Variants in CCNB3 observed in about 807,000 individuals in gnomAD.
CCNB3 encodes G2/mitotic-specific cyclin-B3.
CCNB3 carries 12 observed loss-of-function variants against 68.0 expected under a neutral mutation model. The observed-to-expected ratio is 0.18, with a 90% CI of 0.11 to 0.29. The LOEUF is 0.29. Ranked by LOEUF, CCNB3 falls within the 10% of genes least tolerant of loss-of-function variation. The pLI, the probability that CCNB3 is intolerant of heterozygous loss-of-function variation, is 1.00. For missense variants in CCNB3, 904 were observed against 993.1 expected, an observed-to-expected ratio of 0.91 and a Z score of 1.21; for synonymous variants, 354 against 388.9, an observed-to-expected ratio of 0.91 and a Z score of 1.06.
In CCNB3 at chrX:50,224,150, GT is replaced by G. The variant is rs1209390174; in HGVS notation, c.-113+19208del. On this transcript the variant is annotated intron_variant, in intron 1 of 12. Coordinates refer to ENST00000376042, the MANE Select transcript of CCNB3 (RefSeq NM_033031.3). The stretch of plus-strand genomic sequence containing the variant: ...AACAATTTATCATCTTGTTTTGAAA[GT>G]TTTTTTTCCTTCTGCAAAATTATAA... Among the ~76,000 whole-genome samples, 13 of 110,485 alleles carry G rather than the reference GT, an allele frequency of 1.2e-4. No individual in the cohort carries two copies. In the East Asian group the frequency reaches 2.2e-3, roughly 19 times the overall value.
chrX:50,351,721 A>G lies in CCNB3; in HGVS notation c.*18A>G. ...TACTCTAGCAGCAGCCACAGGGCTA[A>G]GCATGCATGTTAACAGGGTATATTT... is the stretch of plus-strand genomic sequence containing the variant. On this transcript the variant is annotated 3_prime_UTR_variant, in exon 13 of 13. Transcript: ENST00000376042. The G allele has an allele frequency of 1.8e-6, 2 of 1,125,012 alleles. No individual in the cohort carries two copies. Among genetic ancestry groups the G allele is most frequent in the East Asian group, 3.0e-5 (1 of 33,432 alleles). 92.7% of individuals were successfully genotyped at this position (1,125,012 alleles called of 1,213,427 possible). A position where few individuals can be genotyped will look rare whatever the true frequency, so the allele number is the denominator to read the frequency against.
chrX:50,301,645 C>G (rs1468339845), intron 5 of CCNB3, among the ~76,000 whole-genome samples: 1 of 112,360 alleles, frequency 8.9e-6, no homozygotes, highest in East Asian at 2.8e-4. Flanking sequence ...GGGAGAACCA[C>G]TACTCTCTTC....
At chrX:50,218,760 A>G (rs1344359534) in intron 1 of CCNB3, among the ~76,000 whole-genome samples, 2 of 112,019 alleles carry the variant, frequency 1.8e-5, no homozygotes, top group African/African-American at 6.5e-5. Flanking sequence ...ATGTGTCTTT[A>G]TAGTAGAGTG....
intron 4 of CCNB3, among the ~76,000 whole-genome samples, chrX:50,289,654 G>A (rs981717801): frequency 9.0e-6 from 1 of 111,712 alleles, no homozygotes; most frequent in African/African-American, 3.2e-5. Flanking sequence ...TAATCCTCAT[G>A]TAATCCTATG....
intron 8 of CCNB3, among the ~76,000 whole-genome samples, chrX:50,338,022 A>G (rs1001929713): frequency 8.9e-6 from 1 of 112,155 alleles, no homozygotes; most frequent in African/African-American, 3.2e-5. Flanking sequence ...TCCAAGTACC[A>G]GTTCCTTCCT....
intron 5 of CCNB3, among the ~76,000 whole-genome samples, chrX:50,299,851 T>C (rs782435639): frequency 8.9e-6 from 1 of 111,889 alleles, no homozygotes; most frequent in South Asian, 3.8e-4. Context: ...GGATAGTTAG[T>C]TCTTCTTGTT....
At chrX:50,343,586 G>A (rs1392710906) in intron 9 of CCNB3, among the ~76,000 whole-genome samples, 1 of 111,148 alleles carries the variant, frequency 9.0e-6, no homozygotes, top group Non-Finnish European at 1.9e-5. Context: ...CATACCTGTG[G>A]TCCCAGCTAC....
intron 10 of CCNB3, 127 bp downstream of exon 10, chrX:50,346,934 A>T (rs1923434949): frequency 5.8e-6 from 4 of 685,385 alleles, no homozygotes; most frequent in Non-Finnish European, 8.4e-6. Flanking sequence ...TTCTCCTTCC[A>T]TCCAATCTCC....
At chrX:50,280,134 T>A (rs1936098436) in intron 1 of CCNB3, among the ~76,000 whole-genome samples, 2 of 82,819 alleles carry the variant, frequency 2.4e-5, no homozygotes, top group South Asian at 1.1e-3. Context: ...ATAGAATATA[T>A]GTAAAAATAT....
At chrX:50,314,562 A>G (rs1921630132) in intron 8 of CCNB3, among the ~76,000 whole-genome samples, 2 of 112,040 alleles carry the variant, frequency 1.8e-5, no homozygotes, top group African/African-American at 6.5e-5. Context: ...CAGCAGTCTT[A>G]GTATGTAATT....
At chrX:50,226,362 T>A (rs1244651114) in intron 1 of CCNB3, among the ~76,000 whole-genome samples, 1 of 60,669 alleles carries the variant, frequency 1.6e-5, no homozygotes, top group Non-Finnish European at 2.8e-5. Flanking sequence ...AAAATATGTA[T>A]AGAATATATA....
chrX:50,208,560 A>C (rs1402710626), intron 1 of CCNB3, among the ~76,000 whole-genome samples: 1 of 112,270 alleles, frequency 8.9e-6, no homozygotes, highest in East Asian at 2.8e-4. Context: ...TGATTTTTCA[A>C]ACTAGCCTTG....
intron 1 of CCNB3, among the ~76,000 whole-genome samples, chrX:50,279,572 C>CA (rs1936054974): frequency 6.0e-4 from 50 of 83,821 alleles, no homozygotes; most frequent in African/African-American, 2.2e-3. Flanking sequence ...TATATATTTT[C>CA]TATATATAAA....
intron 11 of CCNB3, among the ~76,000 whole-genome samples, chrX:50,349,535 T>A (rs782314498): frequency 8.9e-6 from 1 of 112,431 alleles, no homozygotes; most frequent in East Asian, 2.8e-4. Flanking sequence ...GTGAGCAGGC[T>A]ATTGTAACAT....
In CCNB3 at chrX:50,294,937, A is replaced by G. The variant is rs1936423723; in HGVS notation, c.279A>G (p.Ile93Met). 2.5e-6 allele frequency: 3 copies of G among 1,208,509 alleles called. No homozygotes were observed. The highest frequency in any genetic ancestry group is 2.2e-6 in the Non-Finnish European group (2 of 894,240). ...TTGTAAAAGTTGTTTCCAAGAAGATAAACAGGAACACACATGCTCTTGGAC... is the reference window on the plus strand; with the variant it reads ...TTGTAAAAGTTGTTTCCAAGAAGATGAACAGGAACACACATGCTCTTGGAC... Reference protein sequence around the residue: ...KEFVKVVSKKINRNTHALGLA... With the variant: ...KEFVKVVSKKMNRNTHALGLA... The change falls in exon 5 of 13, where the codon ATA (isoleucine) becomes ATG (methionine). Residue 93 changes from isoleucine to methionine, a missense_variant. Coordinates refer to ENST00000376042, the MANE Select transcript of CCNB3 (RefSeq NM_033031.3).
chrX:50,313,450 A>G (rs898858606), intron 7 of CCNB3, among the ~76,000 whole-genome samples: 6 of 112,190 alleles, frequency 5.3e-5, no homozygotes, highest in African/African-American at 6.5e-5. Flanking sequence ...ACCTAGCCCC[A>G]TCCCAGACCT....
chrX:50,307,157 T>C (rs1557213671), intron 5 of CCNB3, among the ~76,000 whole-genome samples: 2 of 112,069 alleles, frequency 1.8e-5, no homozygotes, highest in African/African-American at 6.5e-5. Flanking sequence ...TTTTCTGTTT[T>C]CTTCTTGAGT....
intron 1 of CCNB3, among the ~76,000 whole-genome samples, chrX:50,280,200 A>G (rs1220930861): frequency 2.6e-4 from 24 of 90,609 alleles, no homozygotes; most frequent in Non-Finnish European, 1.0e-4. Flanking sequence ...TATAGAACAT[A>G]TAAATATATT....
At chrX:50,342,407 A>G (rs782263953) in intron 9 of CCNB3, 68 bp downstream of exon 9, 2 of 974,151 alleles carry the variant, frequency 2.1e-6, no homozygotes, top group Non-Finnish European at 2.8e-6. Flanking sequence ...ATGAATATAT[A>G]TTCATATATA....
Sources: allele counts gnomAD v4.1 joint callset (sites outside exome capture counted in the v4.1 genomes callset), GRCh38; gene constraint gnomAD v4.1.1; transcripts MANE v1.5; gene names NCBI Gene and HGNC (gene_info 2026-07-23, HGNC 2026-07-21).